NPHP4: variants seen among roughly 807,000 people sequenced by gnomAD.
NPHP4 encodes the protein nephrocystin 4.
Under a neutral mutation model 155.8 loss-of-function variants are expected in NPHP4, and 151 were observed. The ratio of observed to expected loss-of-function variants is 0.97; its 90% CI spans 0.85 to 1.11. NPHP4 has a LOEUF of 1.11. NPHP4 is among the 50% of genes least tolerant of loss of function. NPHP4 has a pLI of 0.00. For synonymous variants in NPHP4, 845 were observed against 816.8 expected, an observed-to-expected ratio of 1.03 and a Z score of -0.59; for missense variants, 1,956 against 1,925.7, an observed-to-expected ratio of 1.02 and a Z score of -0.29.
intron 5 of NPHP4, among the ~76,000 whole-genome samples, chr1:5,963,377 G>A (rs976259790): frequency 7.9e-5 from 12 of 151,820 alleles, no homozygotes; most frequent in South Asian, 2.1e-4. Context: ...CCTGGGTGAC[G>A]GAGATTCCAT....
Position 5,964,933 on chromosome 1 carries a change from A to ATTTTTTTTT in NPHP4, c.517+2365_517+2366insAAAAAAAAA, listed in dbSNP as rs1327414741. 8.8e-3 allele frequency among the ~76,000 whole-genome samples: 208 copies of ATTTTTTTTT among 23,718 alleles called. 2 individuals carry two copies. Among genetic ancestry groups the ATTTTTTTTT allele is most frequent in the African/African-American group, 0.046 (149 of 3,236 alleles). The allele number at this position is 23,718 out of a possible 152,430, so 15.6% of individuals were successfully genotyped here. A position where few individuals can be genotyped will look rare whatever the true frequency, so the allele number is the denominator to read the frequency against. On this transcript the variant is annotated intron_variant, in intron 5 of 29. Coordinates refer to ENST00000378156, the MANE Select transcript of NPHP4 (RefSeq NM_015102.5). The stretch of plus-strand genomic sequence containing the variant: ...ACATATATATTATATATATATATAT[A>ATTTTTTTTT]TATATATATTTTTTTTTTTTGAGGC...
intron 9 of NPHP4, among the ~76,000 whole-genome samples, chr1:5,938,056 G>C (rs1045844201): frequency 7.2e-5 from 11 of 152,230 alleles, no homozygotes; most frequent in African/African-American, 2.4e-4. Context: ...AGGAAACAGA[G>C]CAACCAGCCG....
chr1:5,947,941 C>T, intron 8 of NPHP4, 129 bp downstream of exon 8: 1 of 730,016 alleles, frequency 1.4e-6, no homozygotes, highest in South Asian at 1.7e-5. Context: ...GGCACAACTT[C>T]CAAGAGGAAA....
intron 12 of NPHP4, among the ~76,000 whole-genome samples, chr1:5,908,162 G>A (rs1194987129): frequency 6.6e-6 from 1 of 152,208 alleles, no homozygotes; most frequent in Non-Finnish European, 1.5e-5. Flanking sequence ...GCATCTTCAG[G>A]GAGCAGAGGA....
chr1:5,975,733 C>T (rs1031679198), intron 3 of NPHP4, among the ~76,000 whole-genome samples: 3 of 152,208 alleles, frequency 2.0e-5, no homozygotes, highest in South Asian at 2.1e-4. Flanking sequence ...CAGCATGACA[C>T]GCAGCTGCCA....
intron 9 of NPHP4, among the ~76,000 whole-genome samples, chr1:5,938,870 C>T (rs750440815): frequency 6.6e-6 from 1 of 152,200 alleles, no homozygotes; most frequent in Non-Finnish European, 1.5e-5. Context: ...AACGAATCTT[C>T]GGCCAACAAC....
rs886046459 is a variant in NPHP4 at position 5,864,470 on chromosome 1, G to A, written c.3864C>T (p.Asp1288=). The A allele has an allele frequency of 5.0e-6, 8 of 1,602,136 alleles. No individual in the cohort carries two copies. The highest frequency in any genetic ancestry group is 6.8e-6 in the Non-Finnish European group (8 of 1,174,208). ...VFVLPPRGVQ[D]LHVGVRPLRA... ...TAAGGGGCCTCACGCCAACATGCAGGTCCTGCACCCCACGAGGCGGCAGCA... is the reference window on the plus strand; with the variant it reads ...TAAGGGGCCTCACGCCAACATGCAGATCCTGCACCCCACGAGGCGGCAGCA... The change falls in exon 28 of 30, where the codon GAC becomes GAT. Residue 1288 remains aspartate (D), a synonymous_variant. Coordinates refer to ENST00000378156, the MANE Select transcript of NPHP4 (RefSeq NM_015102.5).
chr1:5,970,055 T>C (rs1226928907), intron 3 of NPHP4, among the ~76,000 whole-genome samples: 1 of 152,166 alleles, frequency 6.6e-6, no homozygotes, highest in African/African-American at 2.4e-5. Context: ...TCCGCCTTCC[T>C]GCCAGGCCCA....
At chr1:5,955,084 C>T (rs1648922382) in intron 6 of NPHP4, among the ~76,000 whole-genome samples, 1 of 151,094 alleles carries the variant, frequency 6.6e-6, no homozygotes, top group Admixed American at 6.6e-5. Flanking sequence ...CCTTAACAGA[C>T]ATTTCTCAAA....
At chr1:5,912,137 A>G (rs1419741377) in intron 11 of NPHP4, among the ~76,000 whole-genome samples, 1 of 152,246 alleles carries the variant, frequency 6.6e-6, no homozygotes. Context: ...TGCAAATGGA[A>G]GCTACCTCAG....
intron 19 of NPHP4, chr1:5,879,400 C>A: frequency 2.5e-6 from 1 of 398,902 alleles, no homozygotes. Flanking sequence ...CACATTTTCA[C>A]CAAACCCAGG....
At chr1:5,900,317 T>C (rs1469369951) in intron 16 of NPHP4, among the ~76,000 whole-genome samples, 1 of 152,202 alleles carries the variant, frequency 6.6e-6, no homozygotes, top group African/African-American at 2.4e-5. Flanking sequence ...CAAGATGCCC[T>C]TCAAGAGGTG....
chr1:5,868,944 G>GCA (rs370774843), intron 23 of NPHP4, among the ~76,000 whole-genome samples: 8 of 97,836 alleles, frequency 8.2e-5, no homozygotes, highest in Non-Finnish European at 1.2e-4. Context: ...GCACCCACAT[G>GCA]CACACACACA....
In NPHP4 at chr1:5,866,471, T is replaced by C. The variant is rs1298808465; in HGVS notation, c.3559-13A>G. ...GTTCCCCGGGGCCCTGCCAACCAGA[T>C]GTGCAGCACATCAGGGCACACAGTG... is the stretch of plus-strand genomic sequence containing the variant. On this transcript the variant is annotated splice_polypyrimidine_tract_variant and intron_variant, in intron 25 of 29. Coordinates refer to ENST00000378156, the MANE Select transcript of NPHP4 (RefSeq NM_015102.5). 3.3e-6 allele frequency: 5 copies of C among 1,530,652 alleles called. No individual in the cohort carries two copies. The South Asian group carries it at 3.5e-5, about 11-fold the overall frequency. 94.8% of individuals were successfully genotyped at this position (1,530,652 alleles called of 1,614,324 possible).
At chr1:5,977,677 C>T (rs564357984) in intron 3 of NPHP4, among the ~76,000 whole-genome samples, 82 of 150,108 alleles carry the variant, frequency 5.5e-4, no homozygotes, top group African/African-American at 1.9e-3. Flanking sequence ...CATGCCGGCC[C>T]GCAGGGTGGC....
At chr1:5,894,458 A>T (rs1644296430) in intron 16 of NPHP4, among the ~76,000 whole-genome samples, 1 of 152,148 alleles carries the variant, frequency 6.6e-6, no homozygotes, top group African/African-American at 2.4e-5. Flanking sequence ...TCAAAAAAAA[A>T]AAAAAAGGTA....
At chr1:5,898,463 G>A (rs1385781762) in intron 16 of NPHP4, among the ~76,000 whole-genome samples, 1 of 152,192 alleles carries the variant, frequency 6.6e-6, no homozygotes, top group East Asian at 1.9e-4. Flanking sequence ...CACGGGCGTG[G>A]CTGCCGGAAG....
chr1:5,866,546 G>A (rs192606511), intron 25 of NPHP4, 88 bp from the exon 26 acceptor site: 71 of 762,592 alleles, frequency 9.3e-5, no homozygotes, highest in Admixed American at 4.3e-4. Context: ...TACACGCAGC[G>A]AGTGACGGCC....
intron 11 of NPHP4, among the ~76,000 whole-genome samples, chr1:5,922,141 G>A (rs1375798130): frequency 6.6e-6 from 1 of 152,232 alleles, no homozygotes; most frequent in Admixed American, 6.5e-5. Context: ...GGCTGCCTTT[G>A]AAGATGGAAG....
Sources: gnomAD v4.1 joint callset for allele counts (sites outside exome capture counted in the v4.1 genomes callset) on GRCh38, gnomAD v4.1.1 for gene constraint, MANE v1.5 for transcripts, NCBI Gene and HGNC (gene_info 2026-07-23, HGNC 2026-07-21) for gene names.